The following RBFOX1 variants were observed in gnomAD, a reference collection of about 807,000 sequenced individuals.
RBFOX1 encodes the protein RNA binding fox-1 homolog 1, also known as RNA binding protein fox-1 homolog 1.
RBFOX1 carries 8 observed loss-of-function variants against 57.7 expected under a neutral mutation model. That is an observed-to-expected ratio of 0.14 (90% CI 0.08 to 0.25). The LOEUF is 0.25. Ranked by LOEUF, RBFOX1 falls within the 10% of genes least tolerant of loss-of-function variation. The probability of loss-of-function intolerance (pLI) is 1.00; values close to 1 mark genes in which losing one functional copy is unlikely to be tolerated. For missense variants in RBFOX1, 611 were observed against 548.5 expected (o/e 1.11, Z -1.14); for synonymous variants, 326 against 222.4 (o/e 1.47, Z -4.15).
At chr16:5,270,697 G>A (rs968476248) in intron 1 of RBFOX1, 1 of 517,248 alleles carries the variant, frequency 1.9e-6, no homozygotes, top group Middle Eastern at 3.1e-4. Context: ...GACCTGAGAT[G>A]TGCAGACAAA....
intron 3 of RBFOX1, among the ~76,000 whole-genome samples, chr16:7,019,187 A>T (rs949117020): frequency 5.3e-5 from 8 of 152,060 alleles, no homozygotes; most frequent in African/African-American, 1.9e-4. Context: ...AGGACACTAA[A>T]TTATTTTATA....
At chr16:7,284,939 C>T (rs74327605) in intron 4 of RBFOX1, among the ~76,000 whole-genome samples, 1 of 152,048 alleles carries the variant, frequency 6.6e-6, no homozygotes, top group Non-Finnish European at 1.5e-5. Context: ...GTTTCCTTTT[C>T]TGGAACATTT....
In RBFOX1 at chr16:7,477,922, A is replaced by G. The variant is rs536192280; in HGVS notation, c.28-40225A>G. ...GACATCTTAAAGCATCTTGTTGTTT[A>G]TTGCTTGATCTGAACCTTTGCACTC... On this transcript the variant is annotated intron_variant, in intron 4 of 15. Coordinates refer to ENST00000550418, the MANE Select transcript of RBFOX1 (RefSeq NM_018723.4). 7.2e-5 allele frequency among the ~76,000 whole-genome samples: 11 copies of G among 152,288 alleles called. No individual in the cohort carries two copies. The South Asian group carries it at 2.3e-3, about 32-fold the overall frequency.
chr16:7,678,590 C>A (rs1050189804), intron 14 of RBFOX1, among the ~76,000 whole-genome samples: 2 of 151,904 alleles, frequency 1.3e-5, no homozygotes, highest in African/African-American at 4.8e-5. Context: ...ATTTATCTTG[C>A]TTTTCAGTAT....
intron 3 of RBFOX1, among the ~76,000 whole-genome samples, chr16:6,964,845 C>T (rs2083760884): frequency 6.6e-6 from 1 of 152,152 alleles, no homozygotes; most frequent in Non-Finnish European, 1.5e-5. Flanking sequence ...GAAATCCCTG[C>T]TCCCAGCTCC....
chr16:6,182,689 T>C (rs2152793534), intron 1 of RBFOX1, among the ~76,000 whole-genome samples: 1 of 152,312 alleles, frequency 6.6e-6, no homozygotes, highest in East Asian at 1.9e-4. Flanking sequence ...CAACAAATGC[T>C]GATTAAATTG....
At chr16:5,789,988 G>A (rs2054634499) in intron 3 of RBFOX1, among the ~76,000 whole-genome samples, 1 of 152,200 alleles carries the variant, frequency 6.6e-6, no homozygotes, top group South Asian at 2.1e-4. Flanking sequence ...CTTCATGCAG[G>A]AAAAGTTTAT....
At chr16:6,450,821 ATATATATATATATATG>A (rs2094592407) in intron 2 of RBFOX1, among the ~76,000 whole-genome samples, 2 of 28,614 alleles carry the variant, frequency 7.0e-5, no homozygotes, top group African/African-American at 4.5e-4. Flanking sequence ...ATATATACAT[ATATATATATATATATG>A]TGTATATATA....
intron 4 of RBFOX1, among the ~76,000 whole-genome samples, chr16:7,418,389 C>A (rs1048220622): frequency 6.6e-6 from 1 of 152,180 alleles, no homozygotes; most frequent in Non-Finnish European, 1.5e-5. Flanking sequence ...TGATACTTGC[C>A]CATGTCCCAT....
intron 13 of RBFOX1, among the ~76,000 whole-genome samples, chr16:7,675,454 G>A (rs762032324): frequency 1.3e-5 from 2 of 151,882 alleles, no homozygotes; most frequent in African/African-American, 4.8e-5. Flanking sequence ...TTATGTGGCA[G>A]GATGTTTTGG....
chr16:7,436,283 T>C (rs2098720747), intron 4 of RBFOX1, among the ~76,000 whole-genome samples: 1 of 152,222 alleles, frequency 6.6e-6, no homozygotes, highest in Non-Finnish European at 1.5e-5. Context: ...ATGTTTATGT[T>C]ATTTCCGGTT....
intron 4 of RBFOX1, among the ~76,000 whole-genome samples, chr16:7,279,616 G>T (rs561118812): frequency 2.0e-5 from 3 of 152,324 alleles, no homozygotes; most frequent in Admixed American, 6.5e-5. Flanking sequence ...TCTGGGAATA[G>T]AGAGGAGGGA....
At chr16:6,144,530 C>G (rs2096742978) in intron 1 of RBFOX1, among the ~76,000 whole-genome samples, 1 of 152,216 alleles carries the variant, frequency 6.6e-6, no homozygotes, top group African/African-American at 2.4e-5. Context: ...ATTACAGTAA[C>G]TAAGTGAAAC....
intron 8 of RBFOX1, among the ~76,000 whole-genome samples, chr16:7,595,992 G>GTTTCTT (rs2094669290): frequency 6.6e-6 from 1 of 151,284 alleles, no homozygotes; most frequent in Non-Finnish European, 1.5e-5. Context: ...ATACAGAACA[G>GTTTCTT]TTTCTTTTTC....
intron 5 of RBFOX1, among the ~76,000 whole-genome samples, chr16:7,567,712 A>ATATATATATCCC (rs1347820463): frequency 2.6e-4 from 1 of 3,798 alleles, no homozygotes; most frequent in Non-Finnish European, 2.4e-3. Flanking sequence ...TATAATCCCT[A>ATATATATATCCC]TATATATATA....
chr16:5,400,152 T>C (rs142202771), intron 1 of RBFOX1, among the ~76,000 whole-genome samples: 2,662 of 151,828 alleles, frequency 0.018, 37 homozygotes, highest in Middle Eastern at 0.045. Flanking sequence ...CAGGCTGGAG[T>C]GCAGTCTTGG....
chr16:7,092,195 A>C (rs8054850), intron 4 of RBFOX1, among the ~76,000 whole-genome samples: 6,124 of 152,246 alleles, frequency 0.04, 411 homozygotes, highest in African/African-American at 0.14. Flanking sequence ...TACAAGGTAT[A>C]CCACTGTTTT....
intron 5 of RBFOX1, among the ~76,000 whole-genome samples, chr16:7,557,216 C>G (rs749561788): frequency 6.6e-5 from 10 of 152,228 alleles, no homozygotes; most frequent in African/African-American, 2.2e-4. Flanking sequence ...GGTGTTTCTT[C>G]CTATAGCTGA....
intron 3 of RBFOX1, among the ~76,000 whole-genome samples, chr16:5,669,779 G>A (rs1340835807): frequency 1.3e-5 from 2 of 152,170 alleles, no homozygotes; most frequent in African/African-American, 4.8e-5. Context: ...TGGTTCCTGA[G>A]TAGAAAATAA....
Sources: gnomAD v4.1 joint callset for allele counts (sites outside exome capture counted in the v4.1 genomes callset) on GRCh38, gnomAD v4.1.1 for gene constraint, MANE v1.5 for transcripts, NCBI Gene and HGNC (gene_info 2026-07-23, HGNC 2026-07-21) for gene names.